The following KCNH1 variants were observed in gnomAD, a reference collection of about 807,000 sequenced individuals.
The protein encoded by KCNH1 is voltage-gated delayed rectifier potassium channel KCNH1.
Under a neutral mutation model 69.2 loss-of-function variants are expected in KCNH1, and 27 were observed. The observed-to-expected ratio is 0.39, with a 90% confidence interval of 0.29 to 0.54. The LOEUF is 0.54. Ranked by LOEUF, KCNH1 falls within the 20% of genes least tolerant of loss-of-function variation. The probability of loss-of-function intolerance (pLI) is 0.68; values close to 1 mark genes in which losing one functional copy is unlikely to be tolerated. For missense variants in KCNH1, 798 were observed against 1,261.6 expected (o/e 0.63, Z 5.57); for synonymous variants, 456 against 487.7 (o/e 0.93, Z 0.86).
intron 6 of KCNH1, among the ~76,000 whole-genome samples, chr1:210,971,218 G>A (rs920970343): frequency 1.3e-5 from 2 of 152,026 alleles, no homozygotes; most frequent in African/African-American, 4.8e-5. Flanking sequence ...CCCCCAAAGT[G>A]CTGAGATTAT....
chr1:210,699,436 G>C (rs902079223), intron 10 of KCNH1, among the ~76,000 whole-genome samples: 6 of 152,238 alleles, frequency 3.9e-5, no homozygotes, highest in Non-Finnish European at 5.9e-5. Context: ...ATGGCCAAGA[G>C]AGCCCCACTC....
chr1:211,048,882 A>C (rs1274451873), intron 5 of KCNH1, among the ~76,000 whole-genome samples: 2 of 152,330 alleles, frequency 1.3e-5, no homozygotes, highest in East Asian at 3.9e-4. Flanking sequence ...GAAAAATATT[A>C]CTTCAGGAGA....
intron 7 of KCNH1, among the ~76,000 whole-genome samples, chr1:210,871,969 G>A (rs1439809194): frequency 6.6e-6 from 1 of 151,020 alleles, no homozygotes; most frequent in Non-Finnish European, 1.5e-5. Flanking sequence ...GAGTTAGTGG[G>A]TGCAGCGCAC....
chr1:210,869,519 G>C (rs1436702218), intron 7 of KCNH1, among the ~76,000 whole-genome samples: 2 of 146,560 alleles, frequency 1.4e-5, no homozygotes, highest in African/African-American at 5.1e-5. Flanking sequence ...GTGTGTGTGT[G>C]TGTGTGTGCT....
chr1:211,037,776 C>T lies in KCNH1; in HGVS notation c.559-18520G>A, dbSNP rs113183239. 5.9e-3 allele frequency among the ~76,000 whole-genome samples: 900 copies of T among 152,186 alleles called. 13 individuals carry two copies. The highest frequency in any genetic ancestry group is 0.021 in the African/African-American group (852 of 41,526). On this transcript the variant is annotated intron_variant, in intron 5 of 10. Coordinates refer to ENST00000271751, the MANE Select transcript of KCNH1 (RefSeq NM_172362.3). ...GACCATACCTTGTGATATGGTTTGG[C>T]TGTGTCCCCAACCAAATCTCAACTT...
At position 211,133,073 on chromosome 1, in the gene KCNH1, G is replaced by A. The variant is rs1691905563; in HGVS notation, c.79+794C>T. On this transcript the variant is annotated intron_variant, in intron 1 of 10. Coordinates refer to ENST00000271751, the MANE Select transcript of KCNH1 (RefSeq NM_172362.3). This position sits in a 1 kb window ranked among gnomAD's most constrained non-coding sequence, Gnocchi z 5.4. ...ATGAGTGCTGATTGTCAGTTTATTG[G>A]GTAATGGATCTATTTATAGGTTTGG... 1 of 152,178 alleles carries A rather than the reference G, an allele frequency of 6.6e-6. No individual in the cohort carries two copies. Among genetic ancestry groups the A allele is most frequent in the South Asian group, 2.1e-4 (1 of 4,824 alleles). 9.4% of individuals were successfully genotyped at this position (152,178 alleles called of 1,614,324 possible). A position where few individuals can be genotyped will look rare whatever the true frequency, so the allele number is the denominator to read the frequency against.
At chr1:210,842,834 T>G (rs1421165202) in intron 7 of KCNH1, among the ~76,000 whole-genome samples, 1 of 152,084 alleles carries the variant, frequency 6.6e-6, no homozygotes, top group African/African-American at 2.4e-5. Flanking sequence ...GTGATGGAAG[T>G]TAATTTGCAC....
chr1:210,907,529 G>GAA (rs36116141), intron 7 of KCNH1, among the ~76,000 whole-genome samples: 29,966 of 143,414 alleles, frequency 0.21, 3,759 homozygotes, highest in Non-Finnish European at 0.29. Flanking sequence ...GGACTGGGAA[G>GAA]AAAAAAAAAA....
At chr1:210,915,538 A>G (rs1687317589) in intron 7 of KCNH1, among the ~76,000 whole-genome samples, 1 of 151,748 alleles carries the variant, frequency 6.6e-6, no homozygotes, top group Admixed American at 6.6e-5. Flanking sequence ...AGATCTACAC[A>G]GGGAAGGCAG....
At chr1:211,053,888 G>A (rs1414707074) in intron 5 of KCNH1, among the ~76,000 whole-genome samples, 8 of 152,072 alleles carry the variant, frequency 5.3e-5, no homozygotes, top group Non-Finnish European at 1.2e-4. Flanking sequence ...AATAAAAAAC[G>A]AGCAATGTTA....
At chr1:210,943,924 C>A (rs1192616604) in intron 6 of KCNH1, among the ~76,000 whole-genome samples, 1 of 152,188 alleles carries the variant, frequency 6.6e-6, no homozygotes, top group Non-Finnish European at 1.5e-5. Flanking sequence ...ATACCGGTTT[C>A]CCACATATAC....
chr1:210,978,832 T>C (rs139333221), intron 6 of KCNH1, among the ~76,000 whole-genome samples: 3 of 152,362 alleles, frequency 2.0e-5, no homozygotes, highest in Non-Finnish European at 4.4e-5. Context: ...CCAGTGAACC[T>C]GTGTGTGGGT....
intron 6 of KCNH1, among the ~76,000 whole-genome samples, chr1:211,003,531 C>T (rs1052800080): frequency 2.0e-5 from 3 of 152,124 alleles, no homozygotes; most frequent in African/African-American, 4.8e-5. Flanking sequence ...TGCACTATCC[C>T]CTGCTGTTTC....
At chr1:211,116,997 A>C (rs1691594307) in intron 1 of KCNH1, among the ~76,000 whole-genome samples, 1 of 152,238 alleles carries the variant, frequency 6.6e-6, no homozygotes, top group Non-Finnish European at 1.5e-5. Flanking sequence ...GCTCCAGCAC[A>C]TTAATAAGAA....
chr1:210,882,802 G>A (rs973883656), intron 7 of KCNH1, among the ~76,000 whole-genome samples: 5 of 152,162 alleles, frequency 3.3e-5, no homozygotes, highest in Admixed American at 1.3e-4. Flanking sequence ...AGAAGAAATC[G>A]ATGCTTGCAT....
At chr1:211,001,552 T>C (rs1016075347) in intron 6 of KCNH1, among the ~76,000 whole-genome samples, 7 of 152,234 alleles carry the variant, frequency 4.6e-5, no homozygotes, top group African/African-American at 1.4e-4. Flanking sequence ...AGGAACACTT[T>C]TACACTGTTG....
intron 5 of KCNH1, among the ~76,000 whole-genome samples, chr1:211,042,656 A>G (rs1690018506): frequency 6.6e-6 from 1 of 152,168 alleles, no homozygotes; most frequent in Admixed American, 6.5e-5. Flanking sequence ...CCCAACAACC[A>G]CAGAATTTAC....
chr1:211,071,047 G>C (rs1243581681), intron 5 of KCNH1, among the ~76,000 whole-genome samples: 1 of 152,010 alleles, frequency 6.6e-6, no homozygotes, highest in Admixed American at 6.5e-5. Context: ...ATGTTATTTT[G>C]TATTACATAC....
chr1:211,098,638 A>C (rs1691202225), intron 3 of KCNH1, among the ~76,000 whole-genome samples: 1 of 152,224 alleles, frequency 6.6e-6, no homozygotes, highest in Non-Finnish European at 1.5e-5. Context: ...AAAAAGAACT[A>C]AAACAATGTA....
Sources: allele counts gnomAD v4.1 joint callset (sites outside exome capture counted in the v4.1 genomes callset), GRCh38; gene constraint gnomAD v4.1.1; non-coding constraint Gnocchi (gnomAD v3.1); transcripts MANE v1.5; gene names NCBI Gene and HGNC (gene_info 2026-07-23, HGNC 2026-07-21).